The following WWP2 variants were observed in gnomAD, a reference collection of about 807,000 sequenced individuals.
WWP2 encodes NEDD4-like E3 ubiquitin-protein ligase WWP2.
WWP2 carries 57 observed loss-of-function variants against 121.0 expected under a neutral mutation model. The ratio of observed to expected loss-of-function variants is 0.47; its 90% CI spans 0.38 to 0.59. The LOEUF is 0.59. Among genes scored for constraint, WWP2 ranks in the 20% least tolerant of loss-of-function variants. WWP2 has a pLI of 0.00. For synonymous variants in WWP2, 449 were observed against 441.3 expected, an observed-to-expected ratio of 1.02 and a Z score of -0.22; for missense variants, 962 against 1,158.9, an observed-to-expected ratio of 0.83 and a Z score of 2.47.
chr16:69,826,723 C>A (rs906649949), intron 4 of WWP2, among the ~76,000 whole-genome samples: 19 of 136,304 alleles, frequency 1.4e-4, no homozygotes, highest in Non-Finnish European at 1.9e-4. Flanking sequence ...AATAAAAATA[C>A]AAAAAAAAAA....
At chr16:69,827,993 G>GA (rs1159715755) in intron 4 of WWP2, 9 of 442,204 alleles carry the variant, frequency 2.0e-5, no homozygotes, top group Middle Eastern at 3.3e-4. Flanking sequence ...GCTGGTTCCC[G>GA]AGACTCCTTC....
At chr16:69,907,381 A>G (rs2058310801) in intron 8 of WWP2, among the ~76,000 whole-genome samples, 1 of 152,220 alleles carries the variant, frequency 6.6e-6, no homozygotes, top group Non-Finnish European at 1.5e-5. Context: ...CTATATCAAT[A>G]GCATTGGAAC....
chr16:69,797,292 A>C (rs552816551), intron 2 of WWP2, among the ~76,000 whole-genome samples: 1 of 152,234 alleles, frequency 6.6e-6, no homozygotes, highest in Non-Finnish European at 1.5e-5. Context: ...AAAATATTCA[A>C]CCTTGCTGGT....
At chr16:69,777,174 A>C (rs546685202) in intron 1 of WWP2, among the ~76,000 whole-genome samples, 2 of 152,014 alleles carry the variant, frequency 1.3e-5, no homozygotes, top group East Asian at 3.9e-4. Context: ...ATATGGATAT[A>C]CACATATGTG....
At chr16:69,879,052 C>T (rs915346783) in intron 7 of WWP2, among the ~76,000 whole-genome samples, 9 of 152,174 alleles carry the variant, frequency 5.9e-5, no homozygotes, top group African/African-American at 1.9e-4. Context: ...AGTTTAACCT[C>T]GTTGCGTTTT....
At chr16:69,790,818 C>T (rs1305952689) in intron 2 of WWP2, among the ~76,000 whole-genome samples, 2 of 152,040 alleles carry the variant, frequency 1.3e-5, no homozygotes, top group East Asian at 1.9e-4. Flanking sequence ...TCAAGTGATC[C>T]GCCTGCCTCA....
intron 9 of WWP2, chr16:69,909,563 C>T (rs1276067043): frequency 1.0e-6 from 1 of 985,292 alleles, no homozygotes; most frequent in East Asian, 1.1e-4. Context: ...TCCAGTTTTC[C>T]AGTAGAATGC....
At chr16:69,875,012 A>G (rs974947413) in intron 7 of WWP2, among the ~76,000 whole-genome samples, 21 of 105,134 alleles carry the variant, frequency 2.0e-4, no homozygotes, top group African/African-American at 8.5e-4. Context: ...ACAGAGTGAG[A>G]CCTTGTGTCA....
intron 4 of WWP2, among the ~76,000 whole-genome samples, chr16:69,804,622 T>G (rs2056238160): frequency 6.6e-6 from 1 of 152,224 alleles, no homozygotes; most frequent in Admixed American, 6.5e-5. Flanking sequence ...GTTTCTCTTT[T>G]TTTTCAAAGT....
At chr16:69,914,352 G>A (rs1369283517) in intron 9 of WWP2, among the ~76,000 whole-genome samples, 1 of 152,080 alleles carries the variant, frequency 6.6e-6, no homozygotes, top group Non-Finnish European at 1.5e-5. Context: ...AGTGCCAAGA[G>A]ACAGCCTCAG....
At chr16:69,809,200 A>T (rs775548102) in intron 4 of WWP2, among the ~76,000 whole-genome samples, 46 of 152,352 alleles carry the variant, frequency 3.0e-4, no homozygotes, top group South Asian at 6.2e-4. Context: ...GGATTGCAAC[A>T]GGGCAGTGGG....
At chr16:69,800,256 A>G (rs1366738193) in intron 4 of WWP2, among the ~76,000 whole-genome samples, 1 of 152,146 alleles carries the variant, frequency 6.6e-6, no homozygotes, top group Non-Finnish European at 1.5e-5. Flanking sequence ...ATGTGCCTCC[A>G]CTTTAATCCT....
chr16:69,898,466 T>C (rs2058144675), intron 8 of WWP2, among the ~76,000 whole-genome samples: 1 of 152,230 alleles, frequency 6.6e-6, no homozygotes, highest in Non-Finnish European at 1.5e-5. Flanking sequence ...TAAGCATTCC[T>C]GCTAAAACTT....
intron 8 of WWP2, 115 bp from the exon 9 acceptor site, chr16:69,908,646 T>C (rs2058334745): frequency 3.2e-6 from 5 of 1,541,384 alleles, no homozygotes; most frequent in Non-Finnish European, 4.4e-6. Context: ...GCCTCGCATG[T>C]CATCTTTGAT....
At chr16:69,785,751 C>T (rs544388754) in intron 1 of WWP2, among the ~76,000 whole-genome samples, 62 of 151,668 alleles carry the variant, frequency 4.1e-4, no homozygotes, top group Non-Finnish European at 6.9e-4. Context: ...CTCAGCCTCC[C>T]GAGTAGCTGG....
intron 8 of WWP2, among the ~76,000 whole-genome samples, chr16:69,906,315 G>A (rs940721826): frequency 6.6e-6 from 1 of 151,996 alleles, no homozygotes; most frequent in South Asian, 2.1e-4. Flanking sequence ...CTTGTGATCT[G>A]CCCGCCTTGG....
chr16:69,881,056 T>C (rs1413592955), intron 7 of WWP2, among the ~76,000 whole-genome samples: 1 of 152,288 alleles, frequency 6.6e-6, no homozygotes, highest in East Asian at 1.9e-4. Context: ...GTTAGAATGT[T>C]TCACCAACAT....
intron 1 of WWP2, among the ~76,000 whole-genome samples, chr16:69,785,468 G>GA (rs1188753005): frequency 1.3e-5 from 2 of 152,064 alleles, no homozygotes; most frequent in Admixed American, 6.6e-5. Flanking sequence ...TCAACATTTG[G>GA]AAAATCTGCA....
rs1412250015 is a variant in WWP2 at position 69,840,386 on chromosome 16, C to T, written c.478+123C>T. ...GGTTTGATTCCCACTCAGCCTGGCC[C>T]ATAGCTAGCCCGGACTCTTCTTAGC... On this transcript the variant is annotated intron_variant, in intron 5 of 23. Transcript: ENST00000359154. 4 of 1,343,996 alleles carry T rather than the reference C, an allele frequency of 3.0e-6. No homozygotes were observed. In the South Asian group the frequency reaches 4.1e-5, roughly 14 times the overall value. The allele number at this position is 1,343,996 out of a possible 1,614,324, so 83.3% of individuals were successfully genotyped here. A position where few individuals can be genotyped will look rare whatever the true frequency, so the allele number is the denominator to read the frequency against.
Sources: gnomAD v4.1 joint callset for allele counts (sites outside exome capture counted in the v4.1 genomes callset) on GRCh38, gnomAD v4.1.1 for gene constraint, MANE v1.5 for transcripts, NCBI Gene and HGNC (gene_info 2026-07-23, HGNC 2026-07-21) for gene names.